Variants in NAPB observed in about 807,000 individuals in gnomAD.
The protein encoded by NAPB is beta-soluble NSF attachment protein.
A neutral mutation model predicts 44.7 loss-of-function variants in NAPB; 26 were observed. The ratio of observed to expected loss-of-function variants is 0.58; its 90% CI spans 0.43 to 0.81. NAPB has a LOEUF of 0.81. NAPB is among the 30% of genes least tolerant of loss of function. The pLI is 0.00. For synonymous variants in NAPB, 120 were observed against 116.8 expected (o/e 1.03, Z -0.18); for missense variants, 315 against 356.4 (o/e 0.88, Z 0.94).
chr20:23,406,942 G>A (rs1985296471), intron 1 of NAPB, among the ~76,000 whole-genome samples: 1 of 152,132 alleles, frequency 6.6e-6, no homozygotes, highest in Non-Finnish European at 1.5e-5. Flanking sequence ...TTCCATATAT[G>A]TTATGTCATT....
At chr20:23,414,515 C>T (rs1181359141) in intron 1 of NAPB, among the ~76,000 whole-genome samples, 2 of 152,158 alleles carry the variant, frequency 1.3e-5, no homozygotes, top group Admixed American at 6.5e-5. Flanking sequence ...CAAAATACAA[C>T]ACTAATCCCT....
At chr20:23,403,901 G>A (rs1471259737) in intron 1 of NAPB, among the ~76,000 whole-genome samples, 1 of 152,196 alleles carries the variant, frequency 6.6e-6, no homozygotes, top group Non-Finnish European at 1.5e-5. Flanking sequence ...ACTCTGGTAA[G>A]GGCAAGTCCT....
chr20:23,394,744 C>T (rs542114908), intron 5 of NAPB, among the ~76,000 whole-genome samples, 178 bp downstream of exon 5: 1 of 151,868 alleles, frequency 6.6e-6, no homozygotes, highest in South Asian at 2.1e-4. Context: ...CTTAGATGTC[C>T]ACTCCAGGAA....
intron 5 of NAPB, among the ~76,000 whole-genome samples, chr20:23,394,580 G>A (rs890087053): frequency 2.0e-5 from 3 of 152,216 alleles, no homozygotes; most frequent in African/African-American, 7.2e-5. Context: ...TGCTGACTGA[G>A]TGTACAGAGG....
At chr20:23,403,183 CA>C (rs1430225154) in intron 1 of NAPB, 111 bp from the exon 2 acceptor site, 5 of 765,850 alleles carry the variant, frequency 6.5e-6, no homozygotes, top group Non-Finnish European at 1.1e-5. Flanking sequence ...ACAAGCATTA[CA>C]GAATCTTAAC....
intron 7 of NAPB, among the ~76,000 whole-genome samples, chr20:23,384,433 T>C (rs542512175): frequency 6.6e-6 from 1 of 151,950 alleles, no homozygotes; most frequent in Admixed American, 6.5e-5. Flanking sequence ...AAGACCAGCC[T>C]GGACAACATG....
chr20:23,390,305 A>T, intron 5 of NAPB, 41 bp from the exon 6 acceptor site: 1 of 1,530,840 alleles, frequency 6.5e-7, no homozygotes, highest in East Asian at 2.2e-5. Flanking sequence ...ATTTATTTGG[A>T]GAGCTGCATT....
rs79647530 is a variant in NAPB, at chr20:23,415,237, A to T, written c.98+6068T>A. ...TCAGAAAAACTAATGAGAAAGTTAA[A>T]AATGGTTGCTTCTTGGGAGTGAGAT... is the stretch of plus-strand genomic sequence containing the variant. On this transcript the variant is annotated intron_variant, in intron 1 of 10. Transcript: ENST00000377026. Among the ~76,000 whole-genome samples the T allele has an allele frequency of 7.8e-3, 1,181 of 152,300 alleles. 20 individuals are homozygous for T. Among genetic ancestry groups the T allele is most frequent in the African/African-American group, 0.027 (1,104 of 41,568 alleles).
chr20:23,421,338 T>C lies in NAPB; in HGVS notation c.65A>G (p.Lys22Arg), dbSNP rs140977227. Residue 22 changes from lysine to arginine, a missense_variant, in exon 1 of 11, where the codon AAG becomes AGG. Around this residue, in one of 3 missense-constraint regions of NAPB, gnomAD observed 179 missense variants for 182.5 expected, o/e 0.98. Coordinates refer to ENST00000377026, the MANE Select transcript of NAPB (RefSeq NM_022080.3). ...CCCTCGGAGGAAGGAGTGGGAGGCC[T>C]TGACTCGCTTCTCGGCCTCCGCCAT... ...QLMAEAEKRV[K>R]ASHSFLRGLF... 1.7e-3 allele frequency: 2,664 copies of C among 1,565,400 alleles called. 56 individuals are homozygous for C. In the East Asian group the frequency reaches 0.05, roughly 29 times the overall value.
rs534795948 is a variant in NAPB at position 23,417,335 on chromosome 20, C to T, written c.98+3970G>A. Among the ~76,000 whole-genome samples the T allele has an allele frequency of 2.6e-5, 4 of 152,282 alleles. No homozygotes were observed. The South Asian group carries it at 6.2e-4, about 24-fold the overall frequency. ...CTGACCTCAAGTGATCCACCCGCCT[C>T]GGCCTCCCAGAGTGCTGGGATTACA... On this transcript the variant is annotated intron_variant, in intron 1 of 10. Transcript: ENST00000377026.
chr20:23,421,282 G>C lies in NAPB; in HGVS notation c.98+23C>G, dbSNP rs775998234. ...AAGTACGGAGACCCCCCCCCCCCAG[G>C]GCACGCACGGTCTGGCGCTCACCCA... On this transcript the variant is annotated intron_variant, in intron 1 of 10. Coordinates refer to ENST00000377026, the MANE Select transcript of NAPB (RefSeq NM_022080.3). 12 of 1,526,096 alleles carry C rather than the reference G, an allele frequency of 7.9e-6. No homozygotes were observed. In the South Asian group the frequency reaches 1.3e-4, roughly 17 times the overall value. 94.5% of individuals were successfully genotyped at this position (1,526,096 alleles called of 1,614,324 possible). A position where few individuals can be genotyped will look rare whatever the true frequency, so the allele number is the denominator to read the frequency against.
chr20:23,420,269 G>A (rs1986289950), intron 1 of NAPB, among the ~76,000 whole-genome samples: 1 of 152,136 alleles, frequency 6.6e-6, no homozygotes, highest in Non-Finnish European at 1.5e-5. Context: ...GAAATTAAAG[G>A]GATTCCCAAA....
At chr20:23,379,260 T>A (rs1038808023) in intron 10 of NAPB, 185 bp downstream of exon 10, 32 of 479,558 alleles carry the variant, frequency 6.7e-5, no homozygotes, top group Non-Finnish European at 1.5e-5. Flanking sequence ...AAGTCGAATC[T>A]CAGCATGGCT....
chr20:23,381,237 G>C lies in NAPB; in HGVS notation c.642C>G (p.Phe214Leu), dbSNP rs77365278. ...CCTTGGCATTCAACTCGTCTACTATGAAGTGGCAGAGGGCAGCTTTGAAGA... is the reference window on the plus strand; with the variant it reads ...CCTTGGCATTCAACTCGTCTACTATCAAGTGGCAGAGGGCAGCTTTGAAGA... ...DYFFKAALCH[F>L]IVDELNAKLA... The change falls in exon 8 of 11, where the codon TTC (phenylalanine) becomes TTG (leucine). Residue 214 changes from phenylalanine (F) to leucine (L), a missense_variant. Around this residue, in one of 3 missense-constraint regions of NAPB, gnomAD observed 120 missense variants for 130.5 expected, o/e 0.92. Transcript: ENST00000377026. The C allele has an allele frequency of 1.9e-6, 3 of 1,613,474 alleles. No homozygotes were observed. The African/African-American group carries it at 4.0e-5, about 22-fold the overall frequency.
At chr20:23,414,875 A>G (rs1275573642) in intron 1 of NAPB, among the ~76,000 whole-genome samples, 2 of 152,200 alleles carry the variant, frequency 1.3e-5, no homozygotes, top group Non-Finnish European at 2.9e-5. Flanking sequence ...GTATCTCAAA[A>G]ATATCACAAT....
At chr20:23,414,075 C>A (rs772894834) in intron 1 of NAPB, among the ~76,000 whole-genome samples, 3 of 152,114 alleles carry the variant, frequency 2.0e-5, no homozygotes, top group Non-Finnish European at 4.4e-5. Context: ...GTAATCCCAG[C>A]CCTGTGGGAG....
intron 2 of NAPB, among the ~76,000 whole-genome samples, chr20:23,399,605 C>A (rs1600583381): frequency 6.6e-6 from 1 of 152,192 alleles, no homozygotes; most frequent in African/African-American, 2.4e-5. Flanking sequence ...TACATGCCAG[C>A]CTCAGGGCTA....
At chr20:23,409,771 G>A (rs566234485) in intron 1 of NAPB, among the ~76,000 whole-genome samples, 557 of 152,228 alleles carry the variant, frequency 3.7e-3, no homozygotes, top group African/African-American at 0.013. Context: ...CCCATAATCC[G>A]TGCCTACAGC....
In NAPB at chr20:23,388,257, TCACACACACACAAA is replaced by T. The variant is rs575929220; in HGVS notation, c.561+1675_561+1688del. Among the ~76,000 whole-genome samples the T allele has an allele frequency of 4.6e-4, 69 of 151,434 alleles. 1 individual carries two copies. The East Asian group carries it at 0.011, about 25-fold the overall frequency. Reference sequence around the variant, plus strand: ...TCTCTCTCTAAACACACATACACACTCACACACACACAAACACACACACATACACCCCTACACCT... The same window carrying T: ...TCTCTCTCTAAACACACATACACACTCACACACACATACACCCCTACACCT... On this transcript the variant is annotated intron_variant, in intron 7 of 10. Coordinates refer to ENST00000377026, the MANE Select transcript of NAPB (RefSeq NM_022080.3).
Sources: allele counts gnomAD v4.1 joint callset (sites outside exome capture counted in the v4.1 genomes callset), GRCh38; gene constraint gnomAD v4.1.1; regional missense constraint gnomAD v4.1.1; transcripts MANE v1.5; gene names NCBI Gene and HGNC (gene_info 2026-07-23, HGNC 2026-07-21).